Variants in KIF11 observed in about 807,000 individuals in gnomAD.
KIF11 encodes the protein kinesin-like protein KIF11.
KIF11 carries 9 observed loss-of-function variants against 121.0 expected under a neutral mutation model. That is an observed-to-expected ratio of 0.07 (90% CI 0.04 to 0.13). The LOEUF (loss-of-function observed/expected upper bound fraction) is 0.13, where lower values mean the gene tolerates loss of function less well. KIF11 is among the 10% of genes least tolerant of loss of function. KIF11 has a pLI of 1.00. For synonymous variants in KIF11, 408 were observed against 421.0 expected (o/e 0.97, Z 0.38); for missense variants, 846 against 1,217.5 (o/e 0.69, Z 4.54).
rs1175303233 is a variant in KIF11, at chr10:92,651,507, GTT to G, written c.3039+1030_3039+1031del. 7.6e-4 allele frequency among the ~76,000 whole-genome samples: 40 copies of G among 52,974 alleles called. 4 individuals carry two copies. The highest frequency in any genetic ancestry group is 2.8e-3 in the East Asian group (3 of 1,084). The allele number at this position is 52,974 out of a possible 152,430, so 34.8% of individuals were successfully genotyped here. A position where few individuals can be genotyped will look rare whatever the true frequency, so the allele number is the denominator to read the frequency against. On this transcript the variant is annotated intron_variant, in intron 21 of 21. Transcript: ENST00000260731. ...TGTGCCACCATGCCTGGCTAATTTT[GTT>G]TTTTTTTTTTTTTTTTTTTTTTTTT... is the stretch of plus-strand genomic sequence containing the variant.
At chr10:92,649,769 A>G in intron 19 of KIF11, 66 bp from the exon 20 acceptor site, 4 of 1,085,410 alleles carry the variant, frequency 3.7e-6, no homozygotes, top group Non-Finnish European at 5.3e-6. Flanking sequence ...AGGAAGTTTT[A>G]GGTTTTTTTA....
chr10:92,651,507 G>GTATTTTTTTTTTTTTTTTTTTT lies in KIF11; in HGVS notation c.3039+991_3039+992insATTTTTTTTTTTTTTTTTTTTT, dbSNP rs1554863366. 1.1e-4 allele frequency among the ~76,000 whole-genome samples: 6 copies of GTATTTTTTTTTTTTTTTTTTTT among 52,974 alleles called. 1 individual carries two copies. Among genetic ancestry groups the GTATTTTTTTTTTTTTTTTTTTT allele is most frequent in the South Asian group, 1.9e-3 (2 of 1,032 alleles). 34.8% of individuals were successfully genotyped at this position (52,974 alleles called of 152,430 possible). A position where few individuals can be genotyped will look rare whatever the true frequency, so the allele number is the denominator to read the frequency against. ...TGTGCCACCATGCCTGGCTAATTTT[G>GTATTTTTTTTTTTTTTTTTTTT]TTTTTTTTTTTTTTTTTTTTTTTTT... is the stretch of plus-strand genomic sequence containing the variant. On this transcript the variant is annotated intron_variant, in intron 21 of 21. Transcript: ENST00000260731.
intron 1 of KIF11, among the ~76,000 whole-genome samples, chr10:92,595,100 C>T (rs1348589793): frequency 1.3e-5 from 2 of 152,232 alleles, no homozygotes; most frequent in Non-Finnish European, 2.9e-5. Flanking sequence ...GTCTCGCTCT[C>T]TTAGGCCGTA....
Position 92,637,487 on chromosome 10 carries a change from A to G in KIF11, c.2102A>G (p.Gln701Arg). 1.2e-6 allele frequency: 2 copies of G among 1,609,412 alleles called. No individual in the cohort carries two copies. The highest frequency in any genetic ancestry group is 2.2e-5 in the South Asian group (2 of 89,842). The change falls in exon 16 of 22, where the codon CAA becomes CGA. Residue 701 changes from glutamine to arginine, a missense_variant. Gln to Arg is a conservative substitution (Grantham distance 43, BLOSUM62 1). This residue lies in a region of KIF11 where 492 missense variants were observed against 603.4 expected (regional missense o/e 0.82). Transcript: ENST00000260731. The part of the protein sequence containing the change: ...ENTICSLVES[Q>R]KQCGNLTEDL... ...ACCATTTGTTCCTTGGTTGAGTCACAAAAGCAATGTGGAAACCTAACTGAA... is the reference window on the plus strand; with the variant it reads ...ACCATTTGTTCCTTGGTTGAGTCACGAAAGCAATGTGGAAACCTAACTGAA...
At chr10:92,649,564 C>T (rs1844958067) in intron 19 of KIF11, among the ~76,000 whole-genome samples, 1 of 152,052 alleles carries the variant, frequency 6.6e-6, no homozygotes, top group Non-Finnish European at 1.5e-5. Context: ...CCTTTTAGAG[C>T]TTATAACACA....
intron 1 of KIF11, chr10:92,596,917 T>G (rs1844303289): frequency 1.1e-5 from 3 of 273,612 alleles, no homozygotes. Context: ...CAGCCTGTTC[T>G]GTGCTATGTG....
chr10:92,593,157 G>C lies in KIF11; in HGVS notation c.-219G>C, dbSNP rs1329632645. 5.6e-6 allele frequency: 3 copies of C among 533,738 alleles called. No homozygotes were observed. Among genetic ancestry groups the C allele is most frequent in the Non-Finnish European group, 1.0e-5 (3 of 296,460 alleles). 33.1% of individuals were successfully genotyped at this position (533,738 alleles called of 1,614,324 possible). A position where few individuals can be genotyped will look rare whatever the true frequency, so the allele number is the denominator to read the frequency against. ...TTTCTGGGGATTCGGGCGGAGACGA[G>C]ATTAGTGATTTGGCGGCTCCGACTG... On this transcript the variant is annotated 5_prime_UTR_variant, in exon 1 of 22. Coordinates refer to ENST00000260731, the MANE Select transcript of KIF11 (RefSeq NM_004523.4).
intron 16 of KIF11, among the ~76,000 whole-genome samples, chr10:92,637,827 C>T (rs1303360856): frequency 1.3e-5 from 2 of 152,094 alleles, no homozygotes; most frequent in Non-Finnish European, 2.9e-5. Flanking sequence ...GAAAAACATA[C>T]CTTTAGAGAA....
chr10:92,655,277 C>G lies in KIF11; in HGVS notation c.*1481C>G, dbSNP rs1282477950. On this transcript the variant is annotated 3_prime_UTR_variant, in exon 22 of 22. Coordinates refer to ENST00000260731, the MANE Select transcript of KIF11 (RefSeq NM_004523.4). ...AACTAAATTGATCTCGTAGAATTAT[C>G]TTAATAAAATAATGGCTATAATTTC... The G allele has an allele frequency of 6.6e-6, 1 of 152,094 alleles. No homozygotes were observed. The highest frequency in any genetic ancestry group is 1.5e-5 in the Non-Finnish European group (1 of 68,016). 9.4% of individuals were successfully genotyped at this position (152,094 alleles called of 1,614,324 possible).
chr10:92,606,889 T>A (rs1399555155), intron 3 of KIF11, among the ~76,000 whole-genome samples, 173 bp downstream of exon 3: 1 of 152,160 alleles, frequency 6.6e-6, no homozygotes, highest in African/African-American at 2.4e-5. Context: ...GCAATTCTCC[T>A]GTTTCAGCCT....
At chr10:92,619,278 A>C (rs1241043675) in intron 9 of KIF11, among the ~76,000 whole-genome samples, 1 of 152,148 alleles carries the variant, frequency 6.6e-6, no homozygotes, top group Non-Finnish European at 1.5e-5. Flanking sequence ...TGGCCTCCCA[A>C]AGTGCTGGGA....
chr10:92,611,446 T>A (rs1844494889), intron 6 of KIF11, among the ~76,000 whole-genome samples: 1 of 151,886 alleles, frequency 6.6e-6, no homozygotes, highest in Admixed American at 6.6e-5. Context: ...TCTCCTGACC[T>A]CGTGATCCGT....
chr10:92,608,121 G>A (rs368682712), intron 4 of KIF11, among the ~76,000 whole-genome samples: 25 of 146,380 alleles, frequency 1.7e-4, no homozygotes, highest in Middle Eastern at 3.7e-3. Flanking sequence ...AAAAAAAAAA[G>A]AATTTTTTTT....
intron 10 of KIF11, among the ~76,000 whole-genome samples, chr10:92,622,090 A>T (rs1844623131): frequency 6.6e-6 from 1 of 151,870 alleles, no homozygotes; most frequent in Non-Finnish European, 1.5e-5. Context: ...AGTCTGACCA[A>T]CATGGAGAAA....
intron 14 of KIF11, among the ~76,000 whole-genome samples, chr10:92,634,055 C>T (rs529008250): frequency 6.6e-6 from 1 of 152,220 alleles, no homozygotes; most frequent in African/African-American, 2.4e-5. Flanking sequence ...GTGATCTCGG[C>T]TCACTGCAAG....
Position 92,617,752 on chromosome 10 carries a change from T to G in KIF11, c.1128+920T>G, listed in dbSNP as rs547209968. 7.8e-4 allele frequency among the ~76,000 whole-genome samples: 119 copies of G among 152,066 alleles called. 1 individual carries two copies. The highest frequency in any genetic ancestry group is 3.7e-3 in the Admixed American group (56 of 15,268). ...TTTTTTTGTTTTTGTTTTTGTTTTT[T>G]TTTTTGAGATGAAGTCTCGCTCTTT... On this transcript the variant is annotated intron_variant, in intron 9 of 21. Coordinates refer to ENST00000260731, the MANE Select transcript of KIF11 (RefSeq NM_004523.4).
At chr10:92,646,680 GAAT>G (rs970104614) in intron 18 of KIF11, among the ~76,000 whole-genome samples, 3 of 152,070 alleles carry the variant, frequency 2.0e-5, no homozygotes, top group Admixed American at 6.6e-5. Context: ...GCATCAAAAA[GAAT>G]AATGGCCATA....
chr10:92,631,284 ACT>A (rs1423207286), intron 12 of KIF11, among the ~76,000 whole-genome samples: 1 of 143,012 alleles, frequency 7.0e-6, no homozygotes. Flanking sequence ...ACAGAGCAAG[ACT>A]CTGTTTCAGA....
At chr10:92,595,073 G>GT (rs1410631329) in intron 1 of KIF11, among the ~76,000 whole-genome samples, 3 of 151,912 alleles carry the variant, frequency 2.0e-5, no homozygotes, top group South Asian at 2.1e-4. Context: ...TGGTTTATCA[G>GT]TTTTTTTTGA....
Sources: gnomAD v4.1 joint callset for allele counts (sites outside exome capture counted in the v4.1 genomes callset) on GRCh38, gnomAD v4.1.1 for gene constraint, gnomAD v4.1.1 regional missense constraint, MANE v1.5 for transcripts, NCBI Gene and HGNC (gene_info 2026-07-23, HGNC 2026-07-21) for gene names.